MARCKSL1: variants seen among roughly 807,000 people sequenced by gnomAD.
MARCKSL1 encodes MARCKS like 1.
A neutral mutation model predicts 13.3 loss-of-function variants in MARCKSL1; 5 were observed. The ratio of observed to expected loss-of-function variants is 0.38; its 90% CI spans 0.20 to 0.79. The LOEUF (loss-of-function observed/expected upper bound fraction) is 0.79. Ranked by LOEUF, MARCKSL1 falls within the 30% of genes least tolerant of loss-of-function variation. The pLI is 0.45. For synonymous variants in MARCKSL1, 126 were observed against 103.2 expected (o/e 1.22, Z -1.34); for missense variants, 274 against 251.6 (o/e 1.09, Z -0.60).
In MARCKSL1 at chr1:32,334,838, G is replaced by C; in HGVS notation, c.347C>G (p.Ser116Cys). The change falls in exon 2 of 2, where the codon TCT becomes TGT. Residue 116 changes from serine (S) to cysteine (C), a missense_variant. Transcript: ENST00000329421. ...KRNRKEGGGD[S>C]SASSPTEEEQ... ...TTCCTCTGTGGGTGAGGAGGCAGAA[G>C]AATCACCCCCACCCTCCTTCCGATT... 4 of 1,612,302 alleles carry C rather than the reference G, an allele frequency of 2.5e-6. No individual in the cohort carries two copies. Among genetic ancestry groups the C allele is most frequent in the Non-Finnish European group, 3.4e-6 (4 of 1,179,982 alleles).
In MARCKSL1 at chr1:32,335,379, T is replaced by C. The variant is rs1641371260; in HGVS notation, c.88-282A>G. Among the ~76,000 whole-genome samples, 1 of 146,680 alleles carries C rather than the reference T, an allele frequency of 6.8e-6. No homozygotes were observed. Among genetic ancestry groups the C allele is most frequent in the African/African-American group, 2.6e-5 (1 of 39,104 alleles). ...CGCTCTCTATTCCGCGCGGAACCGC[T>C]CCGGATCTGCTGTGCGGATCCCGGG... On this transcript the variant is annotated intron_variant, in intron 1 of 1. Transcript: ENST00000329421. The surrounding 1 kb of genome is among the most constrained non-coding windows in gnomAD (Gnocchi z 4.1).
chr1:32,336,044 T>G lies in MARCKSL1; in HGVS notation c.-11A>C. On this transcript the variant is annotated 5_prime_UTR_variant, in exon 1 of 2. Transcript: ENST00000329421. ...GCTCTGGCTGCCCATGATGGGGGTCTGCTGGGGGGCGCTTGGAGCCGCCCC... is the reference window on the plus strand; with the variant it reads ...GCTCTGGCTGCCCATGATGGGGGTCGGCTGGGGGGCGCTTGGAGCCGCCCC... 1 of 1,203,026 alleles carries G rather than the reference T, an allele frequency of 8.3e-7. No homozygotes were observed. The highest frequency in any genetic ancestry group is 1.0e-6 in the Non-Finnish European group (1 of 963,348). The allele number at this position is 1,203,026 out of a possible 1,614,324, so 74.5% of individuals were successfully genotyped here.
chr1:32,334,736 T>G lies in MARCKSL1; in HGVS notation c.449A>C (p.Glu150Ala). The G allele has an allele frequency of 3.7e-6, 6 of 1,612,260 alleles. No individual in the cohort carries two copies. The highest frequency in any genetic ancestry group is 5.1e-6 in the Non-Finnish European group (6 of 1,179,898). The change falls in exon 2 of 2, where the codon GAG becomes GCG. Residue 150 changes from glutamate (E) to alanine (A), a missense_variant. Coordinates refer to ENST00000329421, the MANE Select transcript of MARCKSL1 (RefSeq NM_023009.7). ...AQEGKAAATPESQEPQAKGAE... is the reference protein window; with the variant it reads ...AQEGKAAATPASQEPQAKGAE... The stretch of plus-strand genomic sequence containing the variant: ...CCCCTTGGCCTGGGGTTCCTGGCTC[T>G]CAGGGGTGGCTGCGGCCTTCCCTTC...
Position 32,335,085 on chromosome 1 carries a change from C to G in MARCKSL1, c.100G>C (p.Val34Leu). The change falls in exon 2 of 2, where the codon GTG (valine) becomes CTG (leucine). Residue 34 changes from valine to leucine, a missense_variant. By Grantham distance (32) the Val-to-Leu change is conservative. Coordinates refer to ENST00000329421, the MANE Select transcript of MARCKSL1 (RefSeq NM_023009.7). The surrounding 1 kb of genome is among the most constrained non-coding windows in gnomAD (Gnocchi z 4.1). The part of the protein sequence containing the change: ...AKANGQENGH[V>L]KSNGDLSPKG... The stretch of plus-strand genomic sequence containing the variant: ...GGGGATAAGTCTCCATTGCTTTTCA[C>G]GTGGCCATTCTCCTGCAGGGCAGAG... 6.6e-7 allele frequency: 1 copy of G among 1,524,674 alleles called. No individual in the cohort carries two copies. The highest frequency in any genetic ancestry group is 8.8e-7 in the Non-Finnish European group (1 of 1,138,050). 94.4% of individuals were successfully genotyped at this position (1,524,674 alleles called of 1,614,324 possible).
chr1:32,335,885 G>A lies in MARCKSL1; in HGVS notation c.87+62C>T, dbSNP rs1455754993. The A allele has an allele frequency of 9.7e-7, 1 of 1,031,452 alleles. No homozygotes were observed. Among genetic ancestry groups the A allele is most frequent in the Admixed American group, 4.0e-5 (1 of 25,284 alleles). The allele number at this position is 1,031,452 out of a possible 1,614,324, so 63.9% of individuals were successfully genotyped here. ...GCGCGCGGCCCCGGCCCCGGCCCCG[G>A]GCCCTAGAAGGGGCGAGGTGCGAGA... On this transcript the variant is annotated intron_variant, in intron 1 of 1. Transcript: ENST00000329421. The surrounding 1 kb of genome is among the most constrained non-coding windows in gnomAD (Gnocchi z 4.1).
In MARCKSL1 at chr1:32,335,190, T is replaced by G; in HGVS notation, c.88-93A>C. 3 of 1,308,702 alleles carry G rather than the reference T, an allele frequency of 2.3e-6. No homozygotes were observed. The highest frequency in any genetic ancestry group is 3.0e-6 in the Non-Finnish European group (3 of 1,004,790). 81.1% of individuals were successfully genotyped at this position (1,308,702 alleles called of 1,614,324 possible). On this transcript the variant is annotated intron_variant, in intron 1 of 1. Coordinates refer to ENST00000329421, the MANE Select transcript of MARCKSL1 (RefSeq NM_023009.7). The surrounding 1 kb of genome is among the most constrained non-coding windows in gnomAD (Gnocchi z 4.1). Reference sequence around the variant, plus strand: ...CTAGAGGAAGGGGTCCTCGATTCGATTCTACTGCAACCCGAAAGTCTGGCT... The same window carrying G: ...CTAGAGGAAGGGGTCCTCGATTCGAGTCTACTGCAACCCGAAAGTCTGGCT...
rs1003907231 is a variant in MARCKSL1 at position 32,333,950 on chromosome 1, A to G, written c.*647T>C. 3.9e-5 allele frequency: 6 copies of G among 152,578 alleles called. No homozygotes were observed. The highest frequency in any genetic ancestry group is 7.3e-5 in the Non-Finnish European group (5 of 68,036). The allele number at this position is 152,578 out of a possible 1,614,324, so 9.5% of individuals were successfully genotyped here. ...AGTACAAATCTGGGGTTTGGCCATT[A>G]AAAGTTATTTACAACAGTGGGAGAA... On this transcript the variant is annotated 3_prime_UTR_variant, in exon 2 of 2. Coordinates refer to ENST00000329421, the MANE Select transcript of MARCKSL1 (RefSeq NM_023009.7).
rs1570048684 is a variant in MARCKSL1 at position 32,335,005 on chromosome 1, G to A, written c.180C>T (p.Ala60=). ...GTGCTGGCTCGATGGCATCGCCAGT[G>A]GCCCCGGCTGCCTCATCTGTTCCGT... is the stretch of plus-strand genomic sequence containing the variant. ...PVNGTDEAAG[A]TGDAIEPAPP... Residue 60 remains alanine, a synonymous_variant, in exon 2 of 2, where the codon GCC becomes GCT. Coordinates refer to ENST00000329421, the MANE Select transcript of MARCKSL1 (RefSeq NM_023009.7). The surrounding 1 kb of genome is among the most constrained non-coding windows in gnomAD (Gnocchi z 4.1). The A allele has an allele frequency of 3.1e-6, 5 of 1,604,670 alleles. No individual in the cohort carries two copies. The highest frequency in any genetic ancestry group is 4.3e-6 in the Non-Finnish European group (5 of 1,175,676).
Position 32,334,711 on chromosome 1 carries a change from C to A in MARCKSL1, c.474G>T (p.Gly158=). Residue 158 remains glycine, a synonymous_variant, in exon 2 of 2, where the codon GGG becomes GGT. Coordinates refer to ENST00000329421, the MANE Select transcript of MARCKSL1 (RefSeq NM_023009.7). The part of the protein sequence containing the change: ...TPESQEPQAK[G]AEASAASEEE... ...CTTCTGAGGCTGCACTAGCCTCTGC[C>A]CCCTTGGCCTGGGGTTCCTGGCTCT... The A allele has an allele frequency of 6.2e-7, 1 of 1,612,718 alleles. No homozygotes were observed. The highest frequency in any genetic ancestry group is 8.5e-7 in the Non-Finnish European group (1 of 1,179,936).
chr1:32,334,881 C>T lies in MARCKSL1; in HGVS notation c.304G>A (p.Gly102Ser). 1.2e-6 allele frequency: 2 copies of T among 1,612,598 alleles called. No homozygotes were observed. Among genetic ancestry groups the T allele is most frequent in the Non-Finnish European group, 1.7e-6 (2 of 1,179,988 alleles). Reference sequence around the variant, plus strand: ...TTCCGATTTCTCTTGAAGGACAGGCCGCTCAATTTGAAAGGCTTCTTGAAA... The same window carrying T: ...TTCCGATTTCTCTTGAAGGACAGGCTGCTCAATTTGAAAGGCTTCTTGAAA... ...FSFKKPFKLS[G>S]LSFKRNRKEG... The change falls in exon 2 of 2, where the codon GGC (glycine) becomes AGC (serine). Residue 102 changes from glycine (G) to serine (S), a missense_variant. Physicochemically the swap from Gly to Ser is moderately conservative, Grantham distance 56. Transcript: ENST00000329421.
chr1:32,335,279 G>T lies in MARCKSL1; in HGVS notation c.88-182C>A, dbSNP rs1328356724. ...CCTCTCGCCCCTCACGGGCGCGCGG[G>T]GAGCGAGCGCGCAGAGGGCGCGACC... is the stretch of plus-strand genomic sequence containing the variant. On this transcript the variant is annotated intron_variant, in intron 1 of 1. Coordinates refer to ENST00000329421, the MANE Select transcript of MARCKSL1 (RefSeq NM_023009.7). This position sits in a 1 kb window ranked among gnomAD's most constrained non-coding sequence, Gnocchi z 4.1. Among the ~76,000 whole-genome samples, 14 of 152,160 alleles carry T rather than the reference G, an allele frequency of 9.2e-5. No homozygotes were observed. Among genetic ancestry groups the T allele is most frequent in the Admixed American group, 9.2e-4 (14 of 15,286 alleles).
In MARCKSL1 at chr1:32,335,103, G is replaced by A. The variant is rs368085207; in HGVS notation, c.88-6C>T. 5.3e-6 allele frequency: 8 copies of A among 1,520,544 alleles called. No individual in the cohort carries two copies. The East Asian group carries it at 6.8e-5, about 13-fold the overall frequency. 94.2% of individuals were successfully genotyped at this position (1,520,544 alleles called of 1,614,324 possible). A position where few individuals can be genotyped will look rare whatever the true frequency, so the allele number is the denominator to read the frequency against. On this transcript the variant is annotated splice_polypyrimidine_tract_variant and splice_region_variant and intron_variant, in intron 1 of 1. Transcript: ENST00000329421. This position sits in a 1 kb window ranked among gnomAD's most constrained non-coding sequence, Gnocchi z 4.1. ...CTTTTCACGTGGCCATTCTCCTGCA[G>A]GGCAGAGGGAATAGCAATGAGGGCA...
In MARCKSL1 at chr1:32,334,589, C is replaced by G; in HGVS notation, c.*8G>C. ...CAGCTTAGAGATCACCCACCTGCCCCTACCTAGCTACTCATTCTGCTCAGC... is the reference window on the plus strand; with the variant it reads ...CAGCTTAGAGATCACCCACCTGCCCGTACCTAGCTACTCATTCTGCTCAGC... On this transcript the variant is annotated 3_prime_UTR_variant, in exon 2 of 2. Coordinates refer to ENST00000329421, the MANE Select transcript of MARCKSL1 (RefSeq NM_023009.7). 2 of 1,528,268 alleles carry G rather than the reference C, an allele frequency of 1.3e-6. No homozygotes were observed. The highest frequency in any genetic ancestry group is 2.6e-5 in the South Asian group (2 of 78,120). 94.7% of individuals were successfully genotyped at this position (1,528,268 alleles called of 1,614,324 possible).
At position 32,334,385 on chromosome 1, in the gene MARCKSL1, G is replaced by A. The variant is rs780767734; in HGVS notation, c.*212C>T. On this transcript the variant is annotated 3_prime_UTR_variant, in exon 2 of 2. Coordinates refer to ENST00000329421, the MANE Select transcript of MARCKSL1 (RefSeq NM_023009.7). ...TAACCTAACTTGGGAAGCTGTAAGG[G>A]ACCATCTTCAACTGGCCTTAAGAGG... 1.2e-4 allele frequency: 58 copies of A among 476,882 alleles called. No homozygotes were observed. The highest frequency in any genetic ancestry group is 1.8e-4 in the Non-Finnish European group (52 of 281,396). The allele number at this position is 476,882 out of a possible 1,614,324, so 29.5% of individuals were successfully genotyped here.
At position 32,336,159 on chromosome 1, in the gene MARCKSL1, A is replaced by C. The variant is rs1335376299; in HGVS notation, c.-126T>G. On this transcript the variant is annotated 5_prime_UTR_variant, in exon 1 of 2. Transcript: ENST00000329421. ...CCCGAGGGGGAGGGGTGCCGGGGGAAGCCGAGCTGCACCTCCGCTCCGCGG... is the reference window on the plus strand; with the variant it reads ...CCCGAGGGGGAGGGGTGCCGGGGGACGCCGAGCTGCACCTCCGCTCCGCGG... 1 of 365,036 alleles carries C rather than the reference A, an allele frequency of 2.7e-6. No individual in the cohort carries two copies. The highest frequency in any genetic ancestry group is 2.1e-5 in the African/African-American group (1 of 46,864). 22.6% of individuals were successfully genotyped at this position (365,036 alleles called of 1,614,324 possible). A position where few individuals can be genotyped will look rare whatever the true frequency, so the allele number is the denominator to read the frequency against.
Position 32,335,075 on chromosome 1 carries a change from T to C in MARCKSL1, c.110A>G (p.Asn37Ser). The change falls in exon 2 of 2, where the codon AAT becomes AGT. Residue 37 changes from asparagine to serine, a missense_variant. By Grantham distance (46) the Asn-to-Ser change is conservative (BLOSUM62 1). Transcript: ENST00000329421. This position sits in a 1 kb window ranked among gnomAD's most constrained non-coding sequence, Gnocchi z 4.1. ...NGQENGHVKSNGDLSPKGEGE... is the reference protein window; with the variant it reads ...NGQENGHVKSSGDLSPKGEGE... ...TTCACCCTTGGGGGATAAGTCTCCA[T>C]TGCTTTTCACGTGGCCATTCTCCTG... 3.3e-6 allele frequency: 5 copies of C among 1,529,980 alleles called. No individual in the cohort carries two copies. The highest frequency in any genetic ancestry group is 2.2e-5 in the Admixed American group (1 of 45,850). 94.8% of individuals were successfully genotyped at this position (1,529,980 alleles called of 1,614,324 possible).
Position 32,334,546 on chromosome 1 carries a change from A to G in MARCKSL1, c.*51T>C. ...ACCAGGTCCAGGCAGTGACCTCACA[A>G]GGACAGCACAGTTTTTGCAGCTTAG... On this transcript the variant is annotated 3_prime_UTR_variant, in exon 2 of 2. Coordinates refer to ENST00000329421, the MANE Select transcript of MARCKSL1 (RefSeq NM_023009.7). The G allele has an allele frequency of 6.7e-7, 1 of 1,497,200 alleles. No individual in the cohort carries two copies. The highest frequency in any genetic ancestry group is 2.3e-5 in the Admixed American group (1 of 42,598). The allele number at this position is 1,497,200 out of a possible 1,614,324, so 92.7% of individuals were successfully genotyped here. A position where few individuals can be genotyped will look rare whatever the true frequency, so the allele number is the denominator to read the frequency against.
At position 32,334,752 on chromosome 1, in the gene MARCKSL1, C is replaced by A; in HGVS notation, c.433G>T (p.Ala145Ser). The change falls in exon 2 of 2, where the codon GCC becomes TCC. Residue 145 changes from alanine (A) to serine (S), a missense_variant. By Grantham distance (99) the Ala-to-Ser change is moderately conservative. Transcript: ENST00000329421. Reference protein sequence around the residue: ...SDEGTAQEGKAAATPESQEPQ... With the variant: ...SDEGTAQEGKSAATPESQEPQ... ...TCCTGGCTCTCAGGGGTGGCTGCGG[C>A]CTTCCCTTCCTGAGCAGTGCCCTCG... The A allele has an allele frequency of 1.2e-6, 2 of 1,611,732 alleles. No individual in the cohort carries two copies. The highest frequency in any genetic ancestry group is 1.1e-5 in the South Asian group (1 of 90,986).
At position 32,335,784 on chromosome 1, in the gene MARCKSL1, G is replaced by C. The variant is rs1331413704; in HGVS notation, c.87+163C>G. Among the ~76,000 whole-genome samples, 1 of 150,222 alleles carries C rather than the reference G, an allele frequency of 6.7e-6. No homozygotes were observed. The highest frequency in any genetic ancestry group is 6.6e-5 in the Admixed American group (1 of 15,138). ...CCCTCCCCGCCCCTCCCCTCGCTTC[G>C]CCCGCGGGGGCTGCGGCGCCGAGAA... On this transcript the variant is annotated intron_variant, in intron 1 of 1. Transcript: ENST00000329421. The surrounding 1 kb of genome is among the most constrained non-coding windows in gnomAD (Gnocchi z 4.1).
Sources: gnomAD v4.1 joint callset for allele counts (sites outside exome capture counted in the v4.1 genomes callset) on GRCh38, gnomAD v4.1.1 for gene constraint, Gnocchi (gnomAD v3.1) non-coding constraint, MANE v1.5 for transcripts, NCBI Gene and HGNC (gene_info 2026-07-23, HGNC 2026-07-21) for gene names.